Variants in RBCK1 observed in about 807,000 individuals in gnomAD.
RBCK1 encodes ranBP-type and C3HC4-type zinc finger-containing protein 1.
Under a neutral mutation model 71.1 loss-of-function variants are expected in RBCK1, and 44 were observed. The observed-to-expected ratio is 0.62, with a 90% CI of 0.49 to 0.80. The LOEUF is 0.80. RBCK1 is among the 30% of genes least tolerant of loss of function. The probability of loss-of-function intolerance (pLI) is 0.00; values close to 1 mark genes in which losing one functional copy is unlikely to be tolerated. For missense variants in RBCK1, 569 were observed against 685.0 expected (o/e 0.83, Z 1.89); for synonymous variants, 306 against 279.7 (o/e 1.09, Z -0.94).
rs570093249 is a variant in RBCK1, at chr20:430,298, G to A, written c.1453-52G>A. 2 of 1,497,070 alleles carry A rather than the reference G, an allele frequency of 1.3e-6. No homozygotes were observed. Among genetic ancestry groups the A allele is most frequent in the South Asian group, 1.1e-5 (1 of 88,804 alleles). The allele number at this position is 1,497,070 out of a possible 1,614,324, so 92.7% of individuals were successfully genotyped here. A position where few individuals can be genotyped will look rare whatever the true frequency, so the allele number is the denominator to read the frequency against. ...GGGGTGGGAGAGCGCTCGGCTGTGG[G>A]GGCAGTCTCTGCACTGCGCTGACAT... On this transcript the variant is annotated intron_variant, in intron 11 of 11. Coordinates refer to ENST00000356286, the MANE Select transcript of RBCK1 (RefSeq NM_031229.4). The surrounding 1 kb of genome is among the most constrained non-coding windows in gnomAD (Gnocchi z 5.6).
chr20:425,621 G>A lies in RBCK1; in HGVS notation c.1030-1692G>A, dbSNP rs376155806. Among the ~76,000 whole-genome samples, 606 of 126,336 alleles carry A rather than the reference G, an allele frequency of 4.8e-3. 6 individuals are homozygous for A. The highest frequency in any genetic ancestry group is 0.019 in the African/African-American group (583 of 31,238). The allele number at this position is 126,336 out of a possible 152,430, so 82.9% of individuals were successfully genotyped here. ...TCCTTCAAGGAATGTTTTGCATGGT[G>A]TATTCTTTTTTTTTTTTTTTTTTGA... is the stretch of plus-strand genomic sequence containing the variant. On this transcript the variant is annotated intron_variant, in intron 8 of 11. Coordinates refer to ENST00000356286, the MANE Select transcript of RBCK1 (RefSeq NM_031229.4).
rs1414246209 is a variant in RBCK1 at position 428,901 on chromosome 20, T to C, written c.1309-50T>C. 6.4e-7 allele frequency: 1 copy of C among 1,556,608 alleles called. No individual in the cohort carries two copies. The highest frequency in any genetic ancestry group is 8.6e-7 in the Non-Finnish European group (1 of 1,157,552). On this transcript the variant is annotated intron_variant, in intron 10 of 11. Coordinates refer to ENST00000356286, the MANE Select transcript of RBCK1 (RefSeq NM_031229.4). The surrounding 1 kb of genome is among the most constrained non-coding windows in gnomAD (Gnocchi z 5.7). ...TCCCTGCCATGGGGAGGGGCCAGGC[T>C]GGGTGACTGCCCCAGCCCCGCCCCA...
Position 422,196 on chromosome 20 carries a change from C to A in RBCK1, c.987C>A (p.Thr329=), listed in dbSNP as rs778332884. 6.2e-7 allele frequency: 1 copy of A among 1,613,432 alleles called. No individual in the cohort carries two copies. Among genetic ancestry groups the A allele is most frequent in the Non-Finnish European group, 8.5e-7 (1 of 1,179,924 alleles). The part of the protein sequence containing the change: ...AEVSCPFIDN[T]YSCSGKLLER... The stretch of plus-strand genomic sequence containing the variant: ...TCTCCTGCCCCTTCATTGACAACAC[C>A]TACTCGTGCTCGGGCAAGCTGCTGG... Residue 329 remains threonine (T), a synonymous_variant, in exon 8 of 12, where the codon ACC becomes ACA. Transcript: ENST00000356286. The surrounding 1 kb of genome is among the most constrained non-coding windows in gnomAD (Gnocchi z 5.0).
At chr20:410,296 A>T in intron 2 of RBCK1, 2 of 669,948 alleles carry the variant, frequency 3.0e-6, no homozygotes, top group South Asian at 3.4e-5. Context: ...ACAGAAGAAA[A>T]CGGAACAGTG....
chr20:413,220 C>T (rs564128498), intron 2 of RBCK1, among the ~76,000 whole-genome samples: 1 of 152,228 alleles, frequency 6.6e-6, no homozygotes, highest in East Asian at 1.9e-4. Flanking sequence ...TACAAGTTCT[C>T]CAACTTTTGT....
At chr20:424,534 G>T (rs929258255) in intron 8 of RBCK1, among the ~76,000 whole-genome samples, 4 of 152,200 alleles carry the variant, frequency 2.6e-5, no homozygotes, top group Admixed American at 6.5e-5. Flanking sequence ...TGGGGAAAAG[G>T]GGGAGGCAGA....
intron 2 of RBCK1, chr20:410,710 T>G: frequency 1.6e-6 from 1 of 606,176 alleles, no homozygotes; most frequent in Non-Finnish European, 3.0e-6. Context: ...TGAAACACTT[T>G]GCACAATGCC....
chr20:426,184 T>A (rs113703568), intron 8 of RBCK1, among the ~76,000 whole-genome samples: 2,351 of 152,320 alleles, frequency 0.015, 48 homozygotes, highest in African/African-American at 0.053. Flanking sequence ...GGGGAATCCA[T>A]CCCCTCAAGC....
chr20:430,623 C>CAAA lies in RBCK1; in HGVS notation c.*193_*194insAAA, dbSNP rs779625863. 1.6e-5 allele frequency: 10 copies of CAAA among 620,074 alleles called. No individual in the cohort carries two copies. Among genetic ancestry groups the CAAA allele is most frequent in the African/African-American group, 3.7e-5 (2 of 54,476 alleles). 38.4% of individuals were successfully genotyped at this position (620,074 alleles called of 1,614,324 possible). On this transcript the variant is annotated 3_prime_UTR_variant, in exon 12 of 12. Coordinates refer to ENST00000356286, the MANE Select transcript of RBCK1 (RefSeq NM_031229.4). This position sits in a 1 kb window ranked among gnomAD's most constrained non-coding sequence, Gnocchi z 5.6. The stretch of plus-strand genomic sequence containing the variant: ...TGGGGCTTGCCGGCCAGACTTCTCT[C>CAAA]CCCTGCGGCTCCCACCTCTGCCTGA...
intron 8 of RBCK1, 61 bp from the exon 9 acceptor site, chr20:427,252 G>A: frequency 1.9e-6 from 3 of 1,562,062 alleles, no homozygotes; most frequent in Non-Finnish European, 2.6e-6. Context: ...GTATTTAGTG[G>A]TCAAGGGTCA....
chr20:412,778 G>A (rs2015782720), intron 2 of RBCK1, among the ~76,000 whole-genome samples: 1 of 152,196 alleles, frequency 6.6e-6, no homozygotes, highest in Non-Finnish European at 1.5e-5. Flanking sequence ...AACCACAAAA[G>A]TTTTAAATTT....
At chr20:424,101 G>T (rs1458476857) in intron 8 of RBCK1, among the ~76,000 whole-genome samples, 2 of 152,222 alleles carry the variant, frequency 1.3e-5, no homozygotes, top group African/African-American at 4.8e-5. Context: ...TGGAATCGGG[G>T]AGACAGAAAC....
chr20:426,093 ATAGT>A (rs1202811834), intron 8 of RBCK1, among the ~76,000 whole-genome samples: 2 of 152,274 alleles, frequency 1.3e-5, no homozygotes, highest in East Asian at 1.9e-4. Context: ...TTGCGGGTAC[ATAGT>A]TGGTGTATAT....
At chr20:420,840 C>T (rs933431089) in intron 6 of RBCK1, 31 bp from the exon 7 acceptor site, 2 of 1,537,130 alleles carry the variant, frequency 1.3e-6, no homozygotes, top group Non-Finnish European at 8.7e-7. Context: ...GAGGCCCTGA[C>T]CCGCCCCGTG....
intron 2 of RBCK1, among the ~76,000 whole-genome samples, chr20:414,091 CAAAA>C (rs11481454): frequency 7.2e-6 from 1 of 139,694 alleles, no homozygotes; most frequent in African/African-American, 2.7e-5. Context: ...GTGGTTCATA[CAAAA>C]AAAAAAAAGA....
At chr20:427,785 C>T (rs2016813263) in intron 9 of RBCK1, among the ~76,000 whole-genome samples, 1 of 152,182 alleles carries the variant, frequency 6.6e-6, no homozygotes, top group Admixed American at 6.5e-5. Context: ...CCCAGTCCCA[C>T]ATTGAGCCCT....
In RBCK1 at chr20:422,206, TC is replaced by T; in HGVS notation, c.998del (p.Ser333TrpfsTer13). ...CPFIDNTYSC[S>X]GKLLEREIKA... ...CTTCATTGACAACACCTACTCGTGC[TC>T]GGGCAAGCTGCTGGAGAGGGAGATC... On this transcript the variant is annotated frameshift_variant, in exon 8 of 12. Coordinates refer to ENST00000356286, the MANE Select transcript of RBCK1 (RefSeq NM_031229.4). LOFTEE classifies it high-confidence loss of function. This position sits in a 1 kb window ranked among gnomAD's most constrained non-coding sequence, Gnocchi z 5.0. 1 of 1,613,424 alleles carries T rather than the reference TC, an allele frequency of 6.2e-7. No homozygotes were observed. Among genetic ancestry groups the T allele is most frequent in the Non-Finnish European group, 8.5e-7 (1 of 1,179,916 alleles).
chr20:418,126 G>A (rs1403832032), intron 4 of RBCK1, among the ~76,000 whole-genome samples, 196 bp downstream of exon 4: 4 of 152,196 alleles, frequency 2.6e-5, no homozygotes, highest in Admixed American at 2.6e-4. Context: ...CAGCTGGCAC[G>A]GGGAGGGGTG....
chr20:420,336 G>A (rs2016311749), intron 6 of RBCK1: 19 of 983,964 alleles, frequency 1.9e-5, no homozygotes, highest in South Asian at 4.7e-5. Context: ...TGATCCCCGA[G>A]TGCTCCCCAT....
Sources: allele counts gnomAD v4.1 joint callset (sites outside exome capture counted in the v4.1 genomes callset), GRCh38; gene constraint gnomAD v4.1.1; non-coding constraint Gnocchi (gnomAD v3.1); transcripts MANE v1.5; gene names NCBI Gene and HGNC (gene_info 2026-07-23, HGNC 2026-07-21).